Variants in MTMR2 observed in about 807,000 individuals in gnomAD.
The protein encoded by MTMR2 is phosphatidylinositol-3,5-bisphosphate 3-phosphatase MTMR2.
A neutral mutation model predicts 86.9 loss-of-function variants in MTMR2; 55 were observed. That is an observed-to-expected ratio of 0.63 (90% confidence interval 0.51 to 0.79). The LOEUF is 0.79. Among genes scored for constraint, MTMR2 ranks in the 30% least tolerant of loss-of-function variants. The pLI, the probability that MTMR2 is intolerant of heterozygous loss-of-function variation, is 0.00. For synonymous variants in MTMR2, 241 were observed against 266.8 expected (o/e 0.90, Z 0.94); for missense variants, 659 against 772.3 (o/e 0.85, Z 1.74).
At chr11:95,883,780 A>T (rs1272034221) in intron 2 of MTMR2, among the ~76,000 whole-genome samples, 1 of 152,228 alleles carries the variant, frequency 6.6e-6, no homozygotes, top group Non-Finnish European at 1.5e-5. Context: ...TTTGAATACA[A>T]AATTCTTAAC....
intron 7 of MTMR2, among the ~76,000 whole-genome samples, chr11:95,851,722 T>C (rs1033679916): frequency 6.6e-6 from 1 of 152,156 alleles, no homozygotes; most frequent in Non-Finnish European, 1.5e-5. Context: ...TCCACCAGAG[T>C]GCTACATGCA....
At chr11:95,911,142 C>T (rs1308962742) in intron 1 of MTMR2, among the ~76,000 whole-genome samples, 9 of 152,060 alleles carry the variant, frequency 5.9e-5, no homozygotes, top group South Asian at 2.1e-4. Flanking sequence ...TGTATTCTTC[C>T]GAGAAACAAA....
At chr11:95,844,827 A>G in intron 11 of MTMR2, 126 bp downstream of exon 11, 2 of 888,316 alleles carry the variant, frequency 2.3e-6, no homozygotes, top group Non-Finnish European at 3.6e-6. Context: ...AAAACAAGCA[A>G]AAACGTTTAC....
rs1442750288 is a variant in MTMR2, at chr11:95,835,315, A to T, written c.1907T>A (p.Val636Asp). ...TTATACAACAGTTTGGACAGGAGTG[A>T]CACACTGTGCAGGAGAGCTGGCTCT... ...SERASSPAQC[V>D]TPVQTVV is the part of the protein sequence containing the mutation. Residue 636 changes from valine (V) to aspartate (D), a missense_variant, in exon 15 of 15, where the codon GTC becomes GAC. This residue lies in a region of MTMR2 where 193 missense variants were observed against 191.6 expected (regional missense o/e 1.01). Coordinates refer to ENST00000346299, the MANE Select transcript of MTMR2 (RefSeq NM_016156.6). The T allele has an allele frequency of 1.2e-6, 2 of 1,613,012 alleles. No individual in the cohort carries two copies. The highest frequency in any genetic ancestry group is 1.7e-6 in the Non-Finnish European group (2 of 1,179,282).
chr11:95,920,664 G>A (rs1866886890), intron 1 of MTMR2, among the ~76,000 whole-genome samples: 1 of 151,416 alleles, frequency 6.6e-6, no homozygotes, highest in African/African-American at 2.4e-5. Context: ...TACTTAGTAA[G>A]ACTCATCACA....
intron 2 of MTMR2, among the ~76,000 whole-genome samples, chr11:95,872,608 C>T (rs1864934243): frequency 6.6e-6 from 1 of 151,400 alleles, no homozygotes; most frequent in South Asian, 2.1e-4. Flanking sequence ...ACTTTATTTC[C>T]TTCTCCTGCC....
At chr11:95,859,172 G>C (rs192989101) in intron 5 of MTMR2, among the ~76,000 whole-genome samples, 83 of 152,254 alleles carry the variant, frequency 5.5e-4, no homozygotes, top group African/African-American at 1.6e-3. Flanking sequence ...TAGTAGACTT[G>C]ATAGAACTAA....
rs773746206 is a variant in MTMR2 at position 95,838,101 on chromosome 11, CCT to C, written c.1584_1585del (p.Gly529LysfsTer6). 3.2e-6 allele frequency: 5 copies of C among 1,587,260 alleles called. No individual in the cohort carries two copies. In the African/African-American group the frequency reaches 4.0e-5, roughly 13 times the overall value. On this transcript the variant is annotated frameshift_variant, in exon 13 of 15. Coordinates refer to ENST00000346299, the MANE Select transcript of MTMR2 (RefSeq NM_016156.6). LOFTEE classifies it high-confidence loss of function. ...TCATGTTTCATATTTTACCTCTTTTCCTCTCTGTTGTTCACTATTACAGAGGA... is the reference window on the plus strand; with the variant it reads ...TCATGTTTCATATTTTACCTCTTTTCCTCTGTTGTTCACTATTACAGAGGA...
chr11:95,901,530 G>A (rs113962264), intron 1 of MTMR2, among the ~76,000 whole-genome samples: 11 of 152,106 alleles, frequency 7.2e-5, no homozygotes, highest in Non-Finnish European at 1.0e-4. Flanking sequence ...ATAAAGTATC[G>A]CCCAGAGAAG....
At chr11:95,891,050 G>A (rs574888228) in intron 1 of MTMR2, among the ~76,000 whole-genome samples, 33 of 152,194 alleles carry the variant, frequency 2.2e-4, no homozygotes, top group African/African-American at 7.5e-4. Flanking sequence ...TGCCCTTCTG[G>A]GAGAAAAACT....
chr11:95,888,437 G>T (rs550017253), intron 1 of MTMR2, among the ~76,000 whole-genome samples, 176 bp from the exon 2 acceptor site: 3 of 152,192 alleles, frequency 2.0e-5, no homozygotes, highest in African/African-American at 7.2e-5. Flanking sequence ...TTCCTGCTGG[G>T]TCAAGTATTC....
At chr11:95,888,544 T>A (rs1865595046) in intron 1 of MTMR2, among the ~76,000 whole-genome samples, 1 of 152,134 alleles carries the variant, frequency 6.6e-6, no homozygotes, top group African/African-American at 2.4e-5. Flanking sequence ...CATTCATTCA[T>A]CCAAAGAACA....
intron 1 of MTMR2, among the ~76,000 whole-genome samples, chr11:95,904,977 A>G: frequency 6.6e-6 from 1 of 152,170 alleles, no homozygotes; most frequent in Non-Finnish European, 1.5e-5. Flanking sequence ...CAAGGTCATC[A>G]ATAATCTCCA....
At chr11:95,865,863 A>C (rs537413483) in intron 2 of MTMR2, among the ~76,000 whole-genome samples, 187 bp from the exon 3 acceptor site, 21 of 152,302 alleles carry the variant, frequency 1.4e-4, no homozygotes, top group African/African-American at 5.1e-4. Flanking sequence ...TCTAGAAAGC[A>C]TTTACTGAGT....
rs1166163968 is a variant in MTMR2 at position 95,833,512 on chromosome 11, C to T, written c.*1778G>A. 3 of 152,032 alleles carry T rather than the reference C, an allele frequency of 2.0e-5. No individual in the cohort carries two copies. Among genetic ancestry groups the T allele is most frequent in the African/African-American group, 4.8e-5 (2 of 41,404 alleles). 9.4% of individuals were successfully genotyped at this position (152,032 alleles called of 1,614,324 possible). A position where few individuals can be genotyped will look rare whatever the true frequency, so the allele number is the denominator to read the frequency against. On this transcript the variant is annotated 3_prime_UTR_variant, in exon 15 of 15. Coordinates refer to ENST00000346299, the MANE Select transcript of MTMR2 (RefSeq NM_016156.6). Reference sequence around the variant, plus strand: ...ATGTACTCCATATTGGAGACTTCTGCAGAAGGTGAGGGGAACCACTGGAAG... The same window carrying T: ...ATGTACTCCATATTGGAGACTTCTGTAGAAGGTGAGGGGAACCACTGGAAG...
intron 11 of MTMR2, among the ~76,000 whole-genome samples, chr11:95,843,555 A>G (rs1227909666): frequency 6.6e-6 from 1 of 152,204 alleles, no homozygotes; most frequent in Non-Finnish European, 1.5e-5. Flanking sequence ...AGCTATTAAA[A>G]TACTTTCTGC....
In MTMR2 at chr11:95,861,994, T is replaced by G; in HGVS notation, c.466A>C (p.Lys156Gln). Reference sequence around the variant, plus strand: ...CACATACATATTATAACATTTACCTTACACACAGTTTCTAGTCCATAAGAA... The same window carrying G: ...CACATACATATTATAACATTTACCTGACACACAGTTTCTAGTCCATAAGAA... ...ENSYGLETVC[K>Q]DIRNLRFAHK... Residue 156 changes from lysine (K) to glutamine (Q), a missense_variant and splice_region_variant, in exon 5 of 15, where the codon AAG becomes CAG. Physicochemically the swap from Lys to Gln is moderately conservative, Grantham distance 53. Around this residue, in one of 3 missense-constraint regions of MTMR2, gnomAD observed 387 missense variants for 526.3 expected, o/e 0.74. Coordinates refer to ENST00000346299, the MANE Select transcript of MTMR2 (RefSeq NM_016156.6). 1 of 1,604,252 alleles carries G rather than the reference T, an allele frequency of 6.2e-7. No individual in the cohort carries two copies. The highest frequency in any genetic ancestry group is 8.5e-7 in the Non-Finnish European group (1 of 1,171,142).
intron 12 of MTMR2, among the ~76,000 whole-genome samples, chr11:95,839,311 C>T (rs1863434160): frequency 6.6e-6 from 1 of 151,848 alleles, no homozygotes; most frequent in Non-Finnish European, 1.5e-5. Context: ...TTGTAAAAAA[C>T]TTTGTCAAGT....
chr11:95,901,276 C>G (rs934575993), intron 1 of MTMR2, among the ~76,000 whole-genome samples: 1 of 152,270 alleles, frequency 6.6e-6, no homozygotes, highest in Middle Eastern at 3.4e-3. Flanking sequence ...TGGCCCCACA[C>G]TCTCTCTCCA....
Sources: allele counts gnomAD v4.1 joint callset (sites outside exome capture counted in the v4.1 genomes callset), GRCh38; gene constraint gnomAD v4.1.1; regional missense constraint gnomAD v4.1.1; transcripts MANE v1.5; gene names NCBI Gene and HGNC (gene_info 2026-07-23, HGNC 2026-07-21).